POLA1: variants seen among roughly 807,000 people sequenced by gnomAD.
POLA1 encodes DNA polymerase alpha catalytic subunit.
A neutral mutation model predicts 124.0 loss-of-function variants in POLA1; 15 were observed. The ratio of observed to expected loss-of-function variants is 0.12; its 90% CI spans 0.08 to 0.19. The LOEUF is 0.19. Among genes scored for constraint, POLA1 ranks in the 10% least tolerant of loss-of-function variants. The pLI, the probability that POLA1 is intolerant of heterozygous loss-of-function variation, is 1.00. For missense variants in POLA1, 886 were observed against 1,103.4 expected (o/e 0.80, Z 2.79); for synonymous variants, 408 against 389.4 (o/e 1.05, Z -0.56).
chrX:24,775,748 G>C (rs763552255), intron 26 of POLA1, among the ~76,000 whole-genome samples: 2 of 112,227 alleles, frequency 1.8e-5, no homozygotes, highest in African/African-American at 6.5e-5. Flanking sequence ...GTTTACTCTT[G>C]TGTTGTGTTA....
intron 36 of POLA1, among the ~76,000 whole-genome samples, chrX:24,988,248 C>T (rs2147298458): frequency 8.9e-6 from 1 of 112,656 alleles, no homozygotes; most frequent in South Asian, 3.7e-4. Flanking sequence ...GTATTTACTG[C>T]CTATCTGTTG....
intron 30 of POLA1, among the ~76,000 whole-genome samples, chrX:24,820,410 C>G (rs2046068358): frequency 1.8e-5 from 2 of 111,854 alleles, no homozygotes; most frequent in Non-Finnish European, 3.8e-5. Context: ...CATCCTTTCT[C>G]TTGTCTTTTG....
intron 31 of POLA1, among the ~76,000 whole-genome samples, chrX:24,824,460 CT>C (rs781633550): frequency 0.059 from 3,957 of 67,062 alleles, 290 homozygotes; most frequent in African/African-American, 0.2. Flanking sequence ...GCCTGGCTAA[CT>C]TTTTTTTTTT....
At chrX:24,729,790 ATGTGTTT>A (rs1420282960) in intron 15 of POLA1, among the ~76,000 whole-genome samples, 2 of 106,556 alleles carry the variant, frequency 1.9e-5, no homozygotes, top group Admixed American at 1.0e-4. Context: ...TTTTTTTAGT[ATGTGTTT>A]TGATCTTTTT....
At chrX:24,973,613 C>A (rs1471943196) in intron 36 of POLA1, among the ~76,000 whole-genome samples, 1 of 111,480 alleles carries the variant, frequency 9.0e-6, no homozygotes, top group Non-Finnish European at 1.9e-5. Flanking sequence ...GTAACCTGCT[C>A]TTTCTCTAGG....
intron 35 of POLA1, among the ~76,000 whole-genome samples, chrX:24,896,882 C>T (rs1569354105): frequency 8.9e-6 from 1 of 112,193 alleles, no homozygotes; most frequent in Admixed American, 9.4e-5. Context: ...TTGCTAGATT[C>T]GTAAGACGAG....
At chrX:24,979,724 C>T (rs2147286439) in intron 36 of POLA1, among the ~76,000 whole-genome samples, 1 of 112,347 alleles carries the variant, frequency 8.9e-6, no homozygotes, top group African/African-American at 3.2e-5. Context: ...CTGAAGAGTG[C>T]TTTCACCTGC....
intron 35 of POLA1, among the ~76,000 whole-genome samples, chrX:24,902,412 C>T (rs2047295438): frequency 9.0e-6 from 1 of 111,614 alleles, no homozygotes; most frequent in African/African-American, 3.3e-5. Flanking sequence ...ATGAAAACAG[C>T]CTTAGGAGGC....
At chrX:24,704,716 A>T (rs919468664) in intron 4 of POLA1, among the ~76,000 whole-genome samples, 1 of 112,008 alleles carries the variant, frequency 8.9e-6, no homozygotes, top group African/African-American at 3.2e-5. Flanking sequence ...GTCTTTACTT[A>T]TTTTGAAGTT....
rs1290460528 is a variant in POLA1 at position 24,995,855 on chromosome X, A to G, written c.4312A>G (p.Lys1438Glu). The part of the protein sequence containing the change: ...FTPKVLQDYR[K>E]LKNTAEQFLS... Reference sequence around the variant, plus strand: ...CCCCAAAGTTCTGCAGGACTACAGAAAACTCAAGAACACAGCAGAGCAATT... The same window carrying G: ...CCCCAAAGTTCTGCAGGACTACAGAGAACTCAAGAACACAGCAGAGCAATT... The change falls in exon 37 of 37, where the codon AAA (lysine) becomes GAA (glutamate). Residue 1438 changes from lysine (K) to glutamate (E), a missense_variant. Lys to Glu is a moderately conservative substitution (Grantham distance 56). Coordinates refer to ENST00000379068, the MANE Select transcript of POLA1 (RefSeq NM_001330360.2). 1.7e-6 allele frequency: 2 copies of G among 1,208,483 alleles called. No homozygotes were observed. Among genetic ancestry groups the G allele is most frequent in the South Asian group, 3.5e-5 (2 of 56,785 alleles).
chrX:24,904,914 C>T (rs1436019677), intron 35 of POLA1, among the ~76,000 whole-genome samples: 1 of 109,077 alleles, frequency 9.2e-6, no homozygotes, highest in Non-Finnish European at 1.9e-5. Context: ...ATCCCAGCTA[C>T]TTAGGATGCT....
At chrX:24,747,163 T>C (rs989333739) in intron 24 of POLA1, among the ~76,000 whole-genome samples, 4 of 110,185 alleles carry the variant, frequency 3.6e-5, no homozygotes, top group African/African-American at 1.3e-4. Flanking sequence ...AGCTCCTTTT[T>C]TTTTTTTCTT....
At chrX:24,839,002 C>T (rs549324366) in intron 32 of POLA1, among the ~76,000 whole-genome samples, 2 of 112,004 alleles carry the variant, frequency 1.8e-5, no homozygotes, top group African/African-American at 6.5e-5. Context: ...CCTGGATTTT[C>T]ACCTTTTCAA....
intron 35 of POLA1, among the ~76,000 whole-genome samples, chrX:24,909,383 T>C (rs2047412832): frequency 8.9e-6 from 1 of 112,277 alleles, no homozygotes; most frequent in African/African-American, 3.2e-5. Context: ...AACATTTAAG[T>C]CTTTAACCCA....
At chrX:24,751,923 T>G (rs1932343067) in intron 26 of POLA1, among the ~76,000 whole-genome samples, 1 of 111,872 alleles carries the variant, frequency 8.9e-6, no homozygotes, top group Non-Finnish European at 1.9e-5. Flanking sequence ...TACAAATTCT[T>G]TGCTTTTAAA....
chrX:24,746,096 C>G (rs761308736), intron 24 of POLA1, among the ~76,000 whole-genome samples: 8 of 110,769 alleles, frequency 7.2e-5, no homozygotes, highest in Non-Finnish European at 1.5e-4. Flanking sequence ...TGCCCTCTAG[C>G]TCCTGAATTT....
At chrX:24,783,785 A>G (rs1326046735) in intron 26 of POLA1, among the ~76,000 whole-genome samples, 1 of 111,732 alleles carries the variant, frequency 8.9e-6, no homozygotes, top group Admixed American at 9.5e-5. Context: ...TGCACCGTCC[A>G]GTATGGTAGC....
intron 20 of POLA1, 96 bp from the exon 21 acceptor site, chrX:24,741,279 C>T: frequency 3.1e-6 from 2 of 644,824 alleles, no homozygotes; most frequent in Non-Finnish European, 4.7e-6. Context: ...AATTTACTTA[C>T]ACCCAGAATT....
chrX:24,799,113 T>C (rs1304345890), intron 26 of POLA1, among the ~76,000 whole-genome samples: 3 of 112,246 alleles, frequency 2.7e-5, no homozygotes, highest in Non-Finnish European at 3.8e-5. Flanking sequence ...CTCTGAGGTA[T>C]TGGGCCTAAA....
Sources: gnomAD v4.1 joint callset for allele counts (sites outside exome capture counted in the v4.1 genomes callset) on GRCh38, gnomAD v4.1.1 for gene constraint, MANE v1.5 for transcripts, NCBI Gene and HGNC (gene_info 2026-07-23, HGNC 2026-07-21) for gene names.